SGCZ: variants seen among roughly 807,000 people sequenced by gnomAD.
The protein encoded by SGCZ is zeta-sarcoglycan.
SGCZ carries 40 observed loss-of-function variants against 41.3 expected under a neutral mutation model. That is an observed-to-expected ratio of 0.97 (90% CI 0.75 to 1.26). SGCZ has a LOEUF of 1.26. SGCZ is among the 50% of genes most tolerant of loss of function. The pLI is 0.00. For synonymous variants in SGCZ, 206 were observed against 137.5 expected, an observed-to-expected ratio of 1.50 and a Z score of -3.49; for missense variants, 552 against 369.8, an observed-to-expected ratio of 1.49 and a Z score of -4.04.
At chr8:14,317,219 G>A (rs1446704271) in intron 3 of SGCZ, among the ~76,000 whole-genome samples, 2 of 151,986 alleles carry the variant, frequency 1.3e-5, no homozygotes, top group African/African-American at 4.8e-5. Flanking sequence ...TATTCCTTGA[G>A]TTGGCCACTG....
At chr8:14,494,321 C>T (rs1389275390) in intron 2 of SGCZ, among the ~76,000 whole-genome samples, 3 of 152,074 alleles carry the variant, frequency 2.0e-5, no homozygotes, top group Admixed American at 1.3e-4. Context: ...TTGTGTAAGA[C>T]CTGCATAGGG....
chr8:14,447,986 T>C lies in SGCZ; in HGVS notation c.234+106746A>G, dbSNP rs570189841. On this transcript the variant is annotated intron_variant, in intron 2 of 7. Transcript: ENST00000382080. ...AGAGCCCAAACGGAAATGTACATAG[T>C]GGTGAATTTCCTTTCTGAAGTTAAA... Among the ~76,000 whole-genome samples the C allele has an allele frequency of 3.3e-5, 5 of 152,262 alleles. No homozygotes were observed. The South Asian group carries it at 8.3e-4, about 25-fold the overall frequency.
intron 1 of SGCZ, among the ~76,000 whole-genome samples, chr8:14,953,948 C>A (rs992609552): frequency 6.6e-6 from 1 of 152,054 alleles, no homozygotes; most frequent in Non-Finnish European, 1.5e-5. Flanking sequence ...CATCCCCAGT[C>A]CTTTCAGTGT....
At chr8:14,602,710 C>A (rs373392979) in intron 1 of SGCZ, among the ~76,000 whole-genome samples, 56 of 152,200 alleles carry the variant, frequency 3.7e-4, no homozygotes, top group African/African-American at 1.3e-3. Flanking sequence ...ATTTTATATC[C>A]TGTTATTCTA....
chr8:14,341,451 T>G (rs905941383), intron 2 of SGCZ, among the ~76,000 whole-genome samples: 3 of 152,202 alleles, frequency 2.0e-5, no homozygotes, highest in Non-Finnish European at 4.4e-5. Context: ...TTTGTTTGTT[T>G]TTTTAATAAT....
chr8:14,868,719 T>A (rs1804027556), intron 1 of SGCZ, among the ~76,000 whole-genome samples: 1 of 152,124 alleles, frequency 6.6e-6, no homozygotes, highest in African/African-American at 2.4e-5. Context: ...TATGAACATA[T>A]CTTCTTATAA....
intron 4 of SGCZ, among the ~76,000 whole-genome samples, chr8:14,229,283 A>G (rs1806479726): frequency 6.6e-6 from 1 of 152,080 alleles, no homozygotes; most frequent in African/African-American, 2.4e-5. Flanking sequence ...AATAATATAA[A>G]TACTCCTTTG....
At chr8:14,383,952 C>T (rs913430533) in intron 2 of SGCZ, among the ~76,000 whole-genome samples, 3 of 151,086 alleles carry the variant, frequency 2.0e-5, no homozygotes, top group Non-Finnish European at 4.4e-5. Context: ...TTTGAATTTT[C>T]TTTTTTTTCT....
intron 5 of SGCZ, among the ~76,000 whole-genome samples, chr8:14,114,418 G>A (rs927798373): frequency 6.6e-6 from 1 of 151,868 alleles, no homozygotes; most frequent in Admixed American, 6.6e-5. Context: ...ATTATTAATT[G>A]TCTTGGGAGG....
At chr8:15,045,898 T>C (rs1804283677) in intron 1 of SGCZ, among the ~76,000 whole-genome samples, 1 of 152,122 alleles carries the variant, frequency 6.6e-6, no homozygotes, top group South Asian at 2.1e-4. Context: ...CACCACTCTT[T>C]AATGAGATAA....
At chr8:14,571,885 T>C (rs1352438617) in intron 1 of SGCZ, among the ~76,000 whole-genome samples, 1 of 152,190 alleles carries the variant, frequency 6.6e-6, no homozygotes, top group African/African-American at 2.4e-5. Context: ...ATGCAGTCCA[T>C]GATACTTGCT....
chr8:14,976,001 C>CATATATATATATATATATACATATAT (rs145427292), intron 1 of SGCZ, among the ~76,000 whole-genome samples: 2 of 140,174 alleles, frequency 1.4e-5, no homozygotes, highest in South Asian at 4.4e-4. Flanking sequence ...TATATATATA[C>CATATATATATATATATATACATATAT]ATATATATAT....
chr8:14,191,469 T>C (rs1805101173), intron 4 of SGCZ, among the ~76,000 whole-genome samples: 1 of 152,216 alleles, frequency 6.6e-6, no homozygotes, highest in African/African-American at 2.4e-5. Context: ...ATTTGGGTCT[T>C]AGGTATAGAT....
At chr8:15,102,327 G>A (rs1408059192) in intron 1 of SGCZ, among the ~76,000 whole-genome samples, 1 of 152,140 alleles carries the variant, frequency 6.6e-6, no homozygotes, top group East Asian at 1.9e-4. Context: ...AAAACTATGT[G>A]GAGAATAAAA....
intron 2 of SGCZ, among the ~76,000 whole-genome samples, chr8:14,461,548 A>G (rs1196100833): frequency 6.6e-6 from 1 of 152,112 alleles, no homozygotes; most frequent in African/African-American, 2.4e-5. Context: ...TGATTTGACC[A>G]TTAGCTTGAC....
intron 2 of SGCZ, among the ~76,000 whole-genome samples, chr8:14,462,053 A>G (rs1283919084): frequency 1.3e-5 from 2 of 152,046 alleles, no homozygotes; most frequent in African/African-American, 4.8e-5. Flanking sequence ...ACTTCCAGGC[A>G]GCCATACTTT....
chr8:14,991,419 G>C (rs1002293859), intron 1 of SGCZ, among the ~76,000 whole-genome samples: 4 of 152,180 alleles, frequency 2.6e-5, no homozygotes, highest in African/African-American at 9.7e-5. Context: ...ATGTGTATGA[G>C]CATTGGAGTT....
At chr8:14,398,161 G>A (rs1798971828) in intron 2 of SGCZ, among the ~76,000 whole-genome samples, 1 of 152,142 alleles carries the variant, frequency 6.6e-6, no homozygotes, top group Admixed American at 6.6e-5. Context: ...AAGGACAGGA[G>A]CACTGTGTGC....
At chr8:15,048,732 A>G (rs1190237982) in intron 1 of SGCZ, among the ~76,000 whole-genome samples, 1 of 152,148 alleles carries the variant, frequency 6.6e-6, no homozygotes, top group Admixed American at 6.6e-5. Context: ...TTTATAATCT[A>G]CTTCCAAAAT....
Sources: gnomAD v4.1 joint callset for allele counts (sites outside exome capture counted in the v4.1 genomes callset) on GRCh38, gnomAD v4.1.1 for gene constraint, MANE v1.5 for transcripts, NCBI Gene and HGNC (gene_info 2026-07-23, HGNC 2026-07-21) for gene names.